The following TNS3 variants were observed in gnomAD, a reference collection of about 807,000 sequenced individuals.
TNS3 encodes tensin 3.
TNS3 carries 45 observed loss-of-function variants against 140.9 expected under a neutral mutation model. The observed-to-expected ratio is 0.32, with a 90% CI of 0.25 to 0.41. The LOEUF (loss-of-function observed/expected upper bound fraction) is 0.41, where lower values mean the gene tolerates loss of function less well. Among genes scored for constraint, TNS3 ranks in the 10% least tolerant of loss-of-function variants. TNS3 has a pLI of 1.00. For missense variants in TNS3, 1,716 were observed against 1,906.7 expected (o/e 0.90, Z 1.86); for synonymous variants, 815 against 788.4 (o/e 1.03, Z -0.56).
intron 17 of TNS3, among the ~76,000 whole-genome samples, chr7:47,350,833 C>A (rs574469679): frequency 1.1e-4 from 17 of 152,326 alleles, no homozygotes; most frequent in African/African-American, 4.1e-4. Context: ...ATGGGCTGTT[C>A]ATGTTGTCAT....
intron 1 of TNS3, among the ~76,000 whole-genome samples, chr7:47,551,891 C>T (rs772721173): frequency 3.3e-5 from 5 of 152,036 alleles, no homozygotes; most frequent in Admixed American, 6.6e-5. Context: ...ACAGCTGGAG[C>T]GGGGCAGGGG....
At position 47,375,977 on chromosome 7, in the gene TNS3, A is replaced by T. The variant is rs546055725; in HGVS notation, c.1025-6356T>A. ...AAGAATCTCATGTTCTATTTTTGTG[A>T]CAGGTGTGCTTAAAAAGTAACTTTT... is the stretch of plus-strand genomic sequence containing the variant. On this transcript the variant is annotated intron_variant, in intron 16 of 30. Transcript: ENST00000311160. 5.3e-5 allele frequency among the ~76,000 whole-genome samples: 8 copies of T among 152,342 alleles called. No individual in the cohort carries two copies. The East Asian group carries it at 1.5e-3, about 29-fold the overall frequency.
chr7:47,302,993 A>G lies in TNS3; in HGVS notation c.3414T>C (p.Leu1138=). ...CTTCTGAAGCCTTGGAAAAGTCGGGAAGGACATTTGGGAAGGGGATACTGA... is the reference window on the plus strand; with the variant it reads ...CTTCTGAAGCCTTGGAAAAGTCGGGGAGGACATTTGGGAAGGGGATACTGA... ...STISIPFPNV[L]PDFSKASEAA... is the part of the protein sequence containing the mutation. The change falls in exon 22 of 31, where the codon CTT becomes CTC. Residue 1138 remains leucine, a synonymous_variant. Transcript: ENST00000311160. The G allele has an allele frequency of 1.2e-6, 2 of 1,612,634 alleles. No individual in the cohort carries two copies. Among genetic ancestry groups the G allele is most frequent in the Non-Finnish European group, 1.7e-6 (2 of 1,178,868 alleles).
In TNS3 at chr7:47,370,904, A is replaced by G. The variant is rs751546216; in HGVS notation, c.1025-1283T>C. ...ACAGCCCCGGGCTCCAGGTTGATGC[A>G]CCACCATGGTCAGCAGCTGCTGGCC... is the stretch of plus-strand genomic sequence containing the variant. On this transcript the variant is annotated intron_variant, in intron 16 of 30. Coordinates refer to ENST00000311160, the MANE Select transcript of TNS3 (RefSeq NM_022748.12). Among the ~76,000 whole-genome samples, 9 of 152,322 alleles carry G rather than the reference A, an allele frequency of 5.9e-5. No individual in the cohort carries two copies. In the South Asian group the frequency reaches 1.7e-3, roughly 28 times the overall value.
intron 8 of TNS3, among the ~76,000 whole-genome samples, chr7:47,429,294 T>C (rs911994077): frequency 1.3e-5 from 2 of 152,214 alleles, no homozygotes; most frequent in Non-Finnish European, 2.9e-5. Context: ...AGGGCTGCTT[T>C]CACTCTCACT....
At chr7:47,308,392 C>T (rs1786882619) in intron 20 of TNS3, among the ~76,000 whole-genome samples, 1 of 152,130 alleles carries the variant, frequency 6.6e-6, no homozygotes, top group Non-Finnish European at 1.5e-5. Context: ...AAATAAATGT[C>T]TTAATGTCCT....
intron 1 of TNS3, among the ~76,000 whole-genome samples, chr7:47,548,670 C>T (rs566189060): frequency 6.6e-6 from 1 of 152,226 alleles, no homozygotes; most frequent in South Asian, 2.1e-4. Flanking sequence ...TGCCTGGGCT[C>T]CGACCTGCAG....
chr7:47,388,866 CA>C (rs1159202292), intron 16 of TNS3, among the ~76,000 whole-genome samples: 3 of 144,128 alleles, frequency 2.1e-5, no homozygotes, highest in Non-Finnish European at 4.5e-5. Flanking sequence ...GATTTCCTCT[CA>C]AAGAAAGAAA....
intron 3 of TNS3, among the ~76,000 whole-genome samples, chr7:47,505,904 C>A (rs1013603233): frequency 6.6e-6 from 1 of 152,180 alleles, no homozygotes; most frequent in Non-Finnish European, 1.5e-5. Context: ...AAACCAGCCG[C>A]CCTAGTCCTC....
chr7:47,518,573 A>G (rs894844297), intron 2 of TNS3, among the ~76,000 whole-genome samples: 1 of 152,216 alleles, frequency 6.6e-6, no homozygotes, highest in African/African-American at 2.4e-5. Context: ...CGACGCCTGA[A>G]TTCCCAGCAC....
chr7:47,363,142 T>C (rs1317507873), intron 17 of TNS3, among the ~76,000 whole-genome samples: 3 of 67,312 alleles, frequency 4.5e-5, no homozygotes, highest in Non-Finnish European at 1.1e-4. Context: ...ACTGTCATCA[T>C]CACCATCATC....
At chr7:47,405,534 A>C in intron 13 of TNS3, 1 of 703,034 alleles carries the variant, frequency 1.4e-6, no homozygotes, top group Non-Finnish European at 2.6e-6. Flanking sequence ...ATGACTTCAG[A>C]TGTTCGCAAT....
At chr7:47,388,484 G>C (rs1378443403) in intron 16 of TNS3, among the ~76,000 whole-genome samples, 1 of 152,114 alleles carries the variant, frequency 6.6e-6, no homozygotes, top group Non-Finnish European at 1.5e-5. Flanking sequence ...AAGTGGGCAG[G>C]GTCACCAAAG....
At chr7:47,418,045 C>G (rs1794178349) in intron 10 of TNS3, among the ~76,000 whole-genome samples, 1 of 152,176 alleles carries the variant, frequency 6.6e-6, no homozygotes, top group Non-Finnish European at 1.5e-5. Flanking sequence ...TCCCAGCACT[C>G]TGGGAGGCTG....
intron 16 of TNS3, among the ~76,000 whole-genome samples, chr7:47,387,770 C>T (rs1217208409): frequency 6.6e-6 from 1 of 152,238 alleles, no homozygotes; most frequent in Non-Finnish European, 1.5e-5. Context: ...CCAGAGCACG[C>T]ACAAGTTCTA....
chr7:47,372,508 C>T (rs1055740737), intron 16 of TNS3, among the ~76,000 whole-genome samples: 1 of 152,166 alleles, frequency 6.6e-6, no homozygotes, highest in Non-Finnish European at 1.5e-5. Context: ...GATTAGAAGG[C>T]CCTGTACCAA....
rs1195168718 is a variant in TNS3, at chr7:47,512,705, C to T, written c.-152-5761G>A. ...AGAAAGGAGGAGCCAGACAACAAAA[C>T]TGGGAAAACTGGTTACTCCATGAAA... On this transcript the variant is annotated intron_variant, in intron 2 of 30. Coordinates refer to ENST00000311160, the MANE Select transcript of TNS3 (RefSeq NM_022748.12). Among the ~76,000 whole-genome samples the T allele has an allele frequency of 2.6e-5, 4 of 152,106 alleles. No individual in the cohort carries two copies. In the East Asian group the frequency reaches 5.8e-4, roughly 22 times the overall value.
chr7:47,295,195 C>G (rs907704936), intron 24 of TNS3, among the ~76,000 whole-genome samples: 3 of 152,218 alleles, frequency 2.0e-5, no homozygotes, highest in African/African-American at 7.2e-5. Context: ...TTCCTTTCAT[C>G]TTAAGATTGA....
At chr7:47,517,930 C>A (rs1235895847) in intron 2 of TNS3, among the ~76,000 whole-genome samples, 3 of 152,102 alleles carry the variant, frequency 2.0e-5, no homozygotes, top group Non-Finnish European at 2.9e-5. Context: ...GAGGCCACCA[C>A]CCAAAAGGCA....
Sources: allele counts gnomAD v4.1 joint callset (sites outside exome capture counted in the v4.1 genomes callset), GRCh38; gene constraint gnomAD v4.1.1; transcripts MANE v1.5; gene names NCBI Gene and HGNC (gene_info 2026-07-23, HGNC 2026-07-21).